Variants in EFEMP1 observed in about 807,000 individuals in gnomAD.
EFEMP1 encodes the protein EGF-containing fibulin-like extracellular matrix protein 1.
In EFEMP1, 18 loss-of-function variants were observed where a neutral mutation model predicts 65.7. The observed-to-expected ratio is 0.27, with a 90% CI of 0.19 to 0.41. The LOEUF is 0.41. EFEMP1 is among the 10% of genes least tolerant of loss of function. The probability of loss-of-function intolerance (pLI) is 1.00; values close to 1 mark genes in which losing one functional copy is unlikely to be tolerated. For synonymous variants in EFEMP1, 237 were observed against 219.7 expected (o/e 1.08, Z -0.70); for missense variants, 469 against 624.8 (o/e 0.75, Z 2.66).
rs1265279202 is a variant in EFEMP1, at chr2:55,923,181, CTT to C, written c.-48-244_-48-243del. On this transcript the variant is annotated intron_variant, in intron 1 of 11. Transcript: ENST00000355426. The surrounding 1 kb of genome is among the most constrained non-coding windows in gnomAD (Gnocchi z 5.3). ...GGGGCAGCCCAAAGCGACTGATTCT[CTT>C]TTGTCTTATCAGTCTGGGTCCCCGA... 6.6e-6 allele frequency among the ~76,000 whole-genome samples: 1 copy of C among 152,146 alleles called. No homozygotes were observed.
Position 55,917,896 on chromosome 2 carries a change from C to G in EFEMP1, c.286G>C (p.Gly96Arg). 1.2e-6 allele frequency: 2 copies of G among 1,614,188 alleles called. No individual in the cohort carries two copies. The highest frequency in any genetic ancestry group is 1.7e-6 in the Non-Finnish European group (2 of 1,180,036). Residue 96 changes from glycine (G) to arginine (R), a missense_variant, in exon 5 of 12, where the codon GGG (glycine) becomes CGG (arginine). Gly to Arg is a moderately radical substitution (Grantham distance 125). This residue lies in a region of EFEMP1 where 399 missense variants were observed against 528.2 expected (regional missense o/e 0.76). Coordinates refer to ENST00000355426, the MANE Select transcript of EFEMP1 (RefSeq NM_001039348.3). The surrounding 1 kb of genome is among the most constrained non-coding windows in gnomAD (Gnocchi z 6.3). ...QETQPAEGTS[G>R]ATTGVVAASS... ...GCAGCTACAACCCCGGTGGTTGCCC[C>G]TGAGGTTCCTTCTGCTGGTTGTGTT...
intron 3 of EFEMP1, 56 bp from the exon 4 acceptor site, chr2:55,918,323 C>A (rs1232119546): frequency 1.0e-5 from 16 of 1,592,870 alleles, no homozygotes; most frequent in Non-Finnish European, 1.4e-5. Context: ...TGTGTCCATT[C>A]CCTAAGAAAT....
chr2:55,913,554 C>T (rs1314215460), intron 5 of EFEMP1, among the ~76,000 whole-genome samples: 1 of 151,198 alleles, frequency 6.6e-6, no homozygotes, highest in Non-Finnish European at 1.5e-5. Context: ...AAACAAGTTT[C>T]TTCAATTAGG....
chr2:55,905,526 C>T (rs554390377), intron 5 of EFEMP1, among the ~76,000 whole-genome samples: 1 of 152,250 alleles, frequency 6.6e-6, no homozygotes, highest in African/African-American at 2.4e-5. Flanking sequence ...CGGCTCACTG[C>T]AACCTCCACC....
intron 5 of EFEMP1, among the ~76,000 whole-genome samples, chr2:55,913,500 T>C (rs1415888395): frequency 6.6e-6 from 1 of 152,212 alleles, no homozygotes; most frequent in Non-Finnish European, 1.5e-5. Context: ...TTACCAGGTA[T>C]GCAAAATGCC....
chr2:55,879,533 C>A (rs1669159755), intron 6 of EFEMP1, among the ~76,000 whole-genome samples: 1 of 152,210 alleles, frequency 6.6e-6, no homozygotes, highest in South Asian at 2.1e-4. Context: ...AATAAACATT[C>A]ATTGAACCAT....
chr2:55,880,459 A>G (rs1669198204), intron 6 of EFEMP1, among the ~76,000 whole-genome samples: 1 of 152,188 alleles, frequency 6.6e-6, no homozygotes, highest in South Asian at 2.1e-4. Flanking sequence ...CTCTTCTTTT[A>G]AATCACAGCT....
In EFEMP1 at chr2:55,867,080, G is replaced by A. The variant is rs781708447; in HGVS notation, c.1475C>T (p.Ser492Leu). The A allele has an allele frequency of 6.2e-7, 1 of 1,612,624 alleles. No individual in the cohort carries two copies. Among genetic ancestry groups the A allele is most frequent in the East Asian group, 2.2e-5 (1 of 44,876 alleles). ...GTTGACTCTTAGAAAAGACTAAAAT[G>A]AAAATGGCCCCACTATTATTGTCAA... Reference protein sequence around the residue: ...LRLTIIVGPFSF With the variant: ...LRLTIIVGPFLF Residue 492 changes from serine (S) to leucine (L), a missense_variant, in exon 12 of 12, where the codon TCA (serine) becomes TTA (leucine). Around this residue, in one of 3 missense-constraint regions of EFEMP1, gnomAD observed 399 missense variants for 528.2 expected, o/e 0.76. Coordinates refer to ENST00000355426, the MANE Select transcript of EFEMP1 (RefSeq NM_001039348.3). The surrounding 1 kb of genome is among the most constrained non-coding windows in gnomAD (Gnocchi z 4.3).
In EFEMP1 at chr2:55,915,433, T is replaced by C. The variant is rs544487263; in HGVS notation, c.517+2232A>G. Reference sequence around the variant, plus strand: ...TTTGTTAGGTAGTCTAAATATTTTCTAGAAAAGTTAAATAGGATTTTATTT... The same window carrying C: ...TTTGTTAGGTAGTCTAAATATTTTCCAGAAAAGTTAAATAGGATTTTATTT... On this transcript the variant is annotated intron_variant, in intron 5 of 11. Transcript: ENST00000355426. 8.6e-4 allele frequency among the ~76,000 whole-genome samples: 131 copies of C among 152,362 alleles called. 1 individual carries two copies. The highest frequency in any genetic ancestry group is 3.0e-3 in the African/African-American group (124 of 41,586).
At chr2:55,891,045 G>T (rs1669611032) in intron 5 of EFEMP1, among the ~76,000 whole-genome samples, 1 of 151,984 alleles carries the variant, frequency 6.6e-6, no homozygotes, top group Non-Finnish European at 1.5e-5. Flanking sequence ...AGATTATTTT[G>T]TCAGTCAGGT....
rs537857658 is a variant in EFEMP1 at position 55,923,762 on chromosome 2, G to A, written c.-100C>T. ...CCGGGCAGCGAGGGGAGTGCGCAGGGGAGGGCAGCCCCGTGGGTCTGATCT... is the reference window on the plus strand; with the variant it reads ...CCGGGCAGCGAGGGGAGTGCGCAGGAGAGGGCAGCCCCGTGGGTCTGATCT... On this transcript the variant is annotated 5_prime_UTR_variant, in exon 1 of 12. Coordinates refer to ENST00000355426, the MANE Select transcript of EFEMP1 (RefSeq NM_001039348.3). This position sits in a 1 kb window ranked among gnomAD's most constrained non-coding sequence, Gnocchi z 5.3. 2 of 986,204 alleles carry A rather than the reference G, an allele frequency of 2.0e-6. No homozygotes were observed. The highest frequency in any genetic ancestry group is 4.7e-5 in the South Asian group (1 of 21,314). 61.1% of individuals were successfully genotyped at this position (986,204 alleles called of 1,614,324 possible). A position where few individuals can be genotyped will look rare whatever the true frequency, so the allele number is the denominator to read the frequency against.
chr2:55,912,268 C>T (rs1002199133), intron 5 of EFEMP1, among the ~76,000 whole-genome samples: 1 of 152,092 alleles, frequency 6.6e-6, no homozygotes, highest in African/African-American at 2.4e-5. Context: ...AAAAATTAGG[C>T]ATTTCCTCAC....
rs1245530873 is a variant in EFEMP1, at chr2:55,867,960, A to G, written c.1321-726T>C. On this transcript the variant is annotated intron_variant, in intron 11 of 11. Coordinates refer to ENST00000355426, the MANE Select transcript of EFEMP1 (RefSeq NM_001039348.3). This position sits in a 1 kb window ranked among gnomAD's most constrained non-coding sequence, Gnocchi z 4.3. ...AGTTTGAATGCCAAGGGATAGAGTC[A>G]TGGATTAGTATTTAGCAGTCACCTC... Among the ~76,000 whole-genome samples, 1 of 152,136 alleles carries G rather than the reference A, an allele frequency of 6.6e-6. No individual in the cohort carries two copies. Among genetic ancestry groups the G allele is most frequent in the African/African-American group, 2.4e-5 (1 of 41,432 alleles).
In EFEMP1 at chr2:55,922,194, G is replaced by A; in HGVS notation, c.81+166C>T. ...CCAATGAACTTTTGAAAGGATCAAG[G>A]GGGCAATTTACAACGAATCTTAGAT... On this transcript the variant is annotated intron_variant, in intron 3 of 11. Transcript: ENST00000355426. The surrounding 1 kb of genome is among the most constrained non-coding windows in gnomAD (Gnocchi z 5.5). 1 of 690,624 alleles carries A rather than the reference G, an allele frequency of 1.4e-6. No individual in the cohort carries two copies. Among genetic ancestry groups the A allele is most frequent in the Non-Finnish European group, 2.6e-6 (1 of 389,408 alleles). 42.8% of individuals were successfully genotyped at this position (690,624 alleles called of 1,614,324 possible).
At position 55,919,803 on chromosome 2, in the gene EFEMP1, G is replaced by A. The variant is rs889792172; in HGVS notation, c.82-1536C>T. 1.3e-5 allele frequency among the ~76,000 whole-genome samples: 2 copies of A among 152,036 alleles called. No individual in the cohort carries two copies. The highest frequency in any genetic ancestry group is 2.9e-5 in the Non-Finnish European group (2 of 68,014). ...TCTTGTTTCCCAAACAGTGTTAAAG[G>A]TACCACTACCTTTTTCGAAACCCAG... is the stretch of plus-strand genomic sequence containing the variant. On this transcript the variant is annotated intron_variant, in intron 3 of 11. Transcript: ENST00000355426. This position sits in a 1 kb window ranked among gnomAD's most constrained non-coding sequence, Gnocchi z 4.5.
Position 55,917,565 on chromosome 2 carries a change from G to A in EFEMP1, c.517+100C>T. The A allele has an allele frequency of 6.9e-7, 1 of 1,457,932 alleles. No individual in the cohort carries two copies. The highest frequency in any genetic ancestry group is 9.6e-7 in the Non-Finnish European group (1 of 1,038,544). The allele number at this position is 1,457,932 out of a possible 1,614,324, so 90.3% of individuals were successfully genotyped here. On this transcript the variant is annotated intron_variant, in intron 5 of 11. Coordinates refer to ENST00000355426, the MANE Select transcript of EFEMP1 (RefSeq NM_001039348.3). The surrounding 1 kb of genome is among the most constrained non-coding windows in gnomAD (Gnocchi z 6.3). ...ATGCAGACAAAGCACTTAGCATGAT[G>A]TCTGGCACGCGAGAAGTCCTTAATA... is the stretch of plus-strand genomic sequence containing the variant.
intron 6 of EFEMP1, among the ~76,000 whole-genome samples, chr2:55,881,065 T>G (rs762311581): frequency 4.6e-5 from 7 of 152,222 alleles, no homozygotes; most frequent in Non-Finnish European, 1.0e-4. Context: ...GCAAACAGCT[T>G]TACTGCACAG....
At chr2:55,916,672 T>A (rs1180612477) in intron 5 of EFEMP1, among the ~76,000 whole-genome samples, 4 of 152,172 alleles carry the variant, frequency 2.6e-5, no homozygotes, top group Non-Finnish European at 5.9e-5. Context: ...GGTGGTGACA[T>A]GGAGTTCTGC....
chr2:55,872,758 C>T (rs186047434), intron 9 of EFEMP1, among the ~76,000 whole-genome samples: 1 of 152,150 alleles, frequency 6.6e-6, no homozygotes, highest in Admixed American at 6.6e-5. Context: ...CTGGCTATGG[C>T]TGAAGAAAGA....
Sources: allele counts gnomAD v4.1 joint callset (sites outside exome capture counted in the v4.1 genomes callset), GRCh38; gene constraint gnomAD v4.1.1; regional missense constraint gnomAD v4.1.1; non-coding constraint Gnocchi (gnomAD v3.1); transcripts MANE v1.5; gene names NCBI Gene and HGNC (gene_info 2026-07-23, HGNC 2026-07-21).